The following MRTFA variants were observed in gnomAD, a reference collection of about 807,000 sequenced individuals.
The protein encoded by MRTFA is myocardin-related transcription factor A.
MRTFA carries 20 observed loss-of-function variants against 83.5 expected under a neutral mutation model. That is an observed-to-expected ratio of 0.24 (90% CI 0.17 to 0.35). The LOEUF (loss-of-function observed/expected upper bound fraction) is 0.35. Ranked by LOEUF, MRTFA falls within the 10% of genes least tolerant of loss-of-function variation. The pLI is 1.00. For synonymous variants in MRTFA, 659 were observed against 541.2 expected (o/e 1.22, Z -3.02); for missense variants, 1,200 against 1,224.7 (o/e 0.98, Z 0.30).
chr22:40,513,739 A>G (rs1002396753), intron 3 of MRTFA, among the ~76,000 whole-genome samples: 1 of 152,212 alleles, frequency 6.6e-6, no homozygotes, highest in Non-Finnish European at 1.5e-5. Flanking sequence ...ATAAAAAAAT[A>G]AAATCACTAA....
intron 3 of MRTFA, among the ~76,000 whole-genome samples, chr22:40,509,948 C>A (rs1327763673): frequency 1.8e-4 from 23 of 129,236 alleles, no homozygotes; most frequent in Non-Finnish European, 3.3e-4. Context: ...ATTCTTCCCA[C>A]TGCAGTAAAT....
At position 40,418,477 on chromosome 22, in the gene MRTFA, G is replaced by A. The variant is rs780810897; in HGVS notation, c.2261C>T (p.Ala754Val). 1.2e-6 allele frequency: 2 copies of A among 1,613,186 alleles called. No individual in the cohort carries two copies. Among genetic ancestry groups the A allele is most frequent in the African/African-American group, 1.3e-5 (1 of 75,016 alleles). ...GGAGTCGGTGATGAGGGTGGGAGGT[G>A]CAACCCCCTTGATGAGGCTGGGGCC... Residue 754 changes from alanine (A) to valine (V), a missense_variant, in exon 12 of 15, where the codon GCA (alanine) becomes GTA (valine). Around this residue, in one of 2 missense-constraint regions of MRTFA, gnomAD observed 1,107 missense variants for 1,041.8 expected, o/e 1.06. Coordinates refer to ENST00000355630, the MANE Select transcript of MRTFA (RefSeq NM_020831.6).
chr22:40,465,501 A>G (rs1274957953), intron 3 of MRTFA, among the ~76,000 whole-genome samples: 1 of 152,190 alleles, frequency 6.6e-6, no homozygotes, highest in African/African-American at 2.4e-5. Flanking sequence ...TGTGCCAGAC[A>G]CTGTTTTACA....
intron 2 of MRTFA, among the ~76,000 whole-genome samples, chr22:40,554,888 C>T (rs1310404827): frequency 6.6e-6 from 1 of 152,212 alleles, no homozygotes; most frequent in Non-Finnish European, 1.5e-5. Flanking sequence ...GGAACCCCTC[C>T]CTTTATATCA....
At chr22:40,420,808 G>T (rs771513562) in intron 10 of MRTFA, 39 bp downstream of exon 10, 1 of 1,609,130 alleles carries the variant, frequency 6.2e-7, no homozygotes, top group Non-Finnish European at 8.5e-7. Flanking sequence ...AGGGTGGCTC[G>T]GGGAGGGCAG....
At chr22:40,538,521 C>A (rs1453143975) in intron 3 of MRTFA, among the ~76,000 whole-genome samples, 3 of 149,866 alleles carry the variant, frequency 2.0e-5, no homozygotes, top group Non-Finnish European at 4.4e-5. Context: ...GTCCCATGAC[C>A]CTGCCAAATC....
At chr22:40,628,841 G>A (rs2056609419) in intron 1 of MRTFA, among the ~76,000 whole-genome samples, 1 of 151,980 alleles carries the variant, frequency 6.6e-6, no homozygotes, top group Non-Finnish European at 1.5e-5. Context: ...TGAGAGAACT[G>A]GACTTGAGTC....
chr22:40,610,930 T>C (rs1292636063), intron 1 of MRTFA, among the ~76,000 whole-genome samples: 4 of 149,702 alleles, frequency 2.7e-5, no homozygotes, highest in African/African-American at 9.8e-5. Flanking sequence ...TGTTTTCTTT[T>C]ACTTTTTTTT....
intron 4 of MRTFA, among the ~76,000 whole-genome samples, chr22:40,459,029 C>G (rs946933609): frequency 3.3e-5 from 5 of 150,296 alleles, no homozygotes; most frequent in African/African-American, 9.8e-5. Context: ...GAGCTGAGAT[C>G]GCGCCACTGC....
intron 4 of MRTFA, among the ~76,000 whole-genome samples, chr22:40,448,868 G>C (rs2053433179): frequency 6.6e-6 from 1 of 152,210 alleles, no homozygotes; most frequent in Admixed American, 6.5e-5. Context: ...AGCTATGAGA[G>C]AGGCAGGCAA....
intron 3 of MRTFA, chr22:40,519,665 C>T: frequency 8.3e-7 from 1 of 1,202,060 alleles, no homozygotes. Flanking sequence ...GTTCCATAAA[C>T]TTAAAAAAAA....
At chr22:40,618,607 T>C (rs935646365) in intron 1 of MRTFA, among the ~76,000 whole-genome samples, 1 of 152,118 alleles carries the variant, frequency 6.6e-6, no homozygotes, top group Admixed American at 6.6e-5. Context: ...CTTTAGCTAC[T>C]ATTAATAACT....
intron 13 of MRTFA, 60 bp from the exon 14 acceptor site, chr22:40,417,106 G>A (rs577450952): frequency 9.8e-6 from 15 of 1,524,088 alleles, no homozygotes; most frequent in Middle Eastern, 1.7e-4. Flanking sequence ...CTCCCAGCCC[G>A]AACTACGAAT....
At chr22:40,452,400 T>C (rs1483689113) in intron 4 of MRTFA, among the ~76,000 whole-genome samples, 2 of 152,210 alleles carry the variant, frequency 1.3e-5, no homozygotes, top group Non-Finnish European at 1.5e-5. Context: ...AGTGACGTTA[T>C]AACCTTCTTT....
chr22:40,475,926 C>T (rs1474620582), intron 3 of MRTFA, among the ~76,000 whole-genome samples: 3 of 152,086 alleles, frequency 2.0e-5, no homozygotes, highest in Non-Finnish European at 4.4e-5. Flanking sequence ...GGGTGGATCA[C>T]GAGGTCAGGA....
chr22:40,636,381 C>A (rs1047148266), intron 1 of MRTFA, 97 bp downstream of exon 1: 1 of 152,324 alleles, frequency 6.6e-6, no homozygotes, highest in African/African-American at 2.4e-5. Context: ...CCCGACCCCC[C>A]GAGGACGCGC....
chr22:40,555,695 G>C (rs1224728133), intron 2 of MRTFA, among the ~76,000 whole-genome samples: 3 of 149,646 alleles, frequency 2.0e-5, no homozygotes, highest in African/African-American at 7.4e-5. Context: ...GGAGTGCAGT[G>C]GCGTGATCTC....
intron 2 of MRTFA, among the ~76,000 whole-genome samples, chr22:40,571,763 CAA>C (rs771335526): frequency 1.5e-5 from 2 of 136,804 alleles, no homozygotes; most frequent in Non-Finnish European, 1.6e-5. Context: ...CTAACAAGAC[CAA>C]AAAAAAAAAG....
At chr22:40,611,401 G>C (rs766664917) in intron 1 of MRTFA, among the ~76,000 whole-genome samples, 4 of 151,340 alleles carry the variant, frequency 2.6e-5, no homozygotes, top group Non-Finnish European at 4.4e-5. Context: ...ACCACATCCA[G>C]CTTTTTTTTT....
Sources: gnomAD v4.1 joint callset for allele counts (sites outside exome capture counted in the v4.1 genomes callset) on GRCh38, gnomAD v4.1.1 for gene constraint, gnomAD v4.1.1 regional missense constraint, MANE v1.5 for transcripts, NCBI Gene and HGNC (gene_info 2026-07-23, HGNC 2026-07-21) for gene names.